Variants in CCM2 observed in about 807,000 individuals in gnomAD.
The protein encoded by CCM2 is CCM2 scaffold protein, also known as cerebral cavernous malformations 2 protein.
In CCM2, 25 loss-of-function variants were observed where a neutral mutation model predicts 44.9. The ratio of observed to expected loss-of-function variants is 0.56; its 90% CI spans 0.41 to 0.78. The LOEUF is 0.78. Ranked by LOEUF, CCM2 falls within the 30% of genes least tolerant of loss-of-function variation. The pLI is 0.00. For synonymous variants in CCM2, 219 were observed against 241.1 expected, an observed-to-expected ratio of 0.91 and a Z score of 0.85; for missense variants, 481 against 580.6, an observed-to-expected ratio of 0.83 and a Z score of 1.76.
chr7:45,041,201 T>C (rs1797479869), intron 2 of CCM2, among the ~76,000 whole-genome samples: 1 of 152,134 alleles, frequency 6.6e-6, no homozygotes, highest in African/African-American at 2.4e-5. Context: ...GAGAAGTTGC[T>C]GAAGAAATAG....
intron 1 of CCM2, among the ~76,000 whole-genome samples, chr7:45,023,807 T>TGG (rs1468526694): frequency 3.6e-4 from 13 of 36,484 alleles, no homozygotes; most frequent in African/African-American, 1.2e-3. Context: ...TTTTTTTTTT[T>TGG]TTTTTTTTTT....
At chr7:45,070,898 C>T (rs999239161) in intron 6 of CCM2, 6 of 154,438 alleles carry the variant, frequency 3.9e-5, no homozygotes, top group Non-Finnish European at 7.2e-5. Flanking sequence ...CCCAGTAACT[C>T]GCACATCTCA....
intron 1 of CCM2, among the ~76,000 whole-genome samples, chr7:45,025,321 C>A (rs1796640649): frequency 1.3e-5 from 2 of 152,082 alleles, no homozygotes; most frequent in African/African-American, 2.4e-5. Flanking sequence ...GTTGGTGATT[C>A]CCTTTATCGA....
intron 2 of CCM2, among the ~76,000 whole-genome samples, chr7:45,047,176 C>A (rs778633354): frequency 6.6e-6 from 1 of 152,148 alleles, no homozygotes; most frequent in Non-Finnish European, 1.5e-5. Flanking sequence ...CAAATCTCCA[C>A]GTGCAACTAC....
In CCM2 at chr7:45,047,186, C is replaced by T. The variant is rs113038111; in HGVS notation, c.204+8760C>T. ...TTCTTCAAATCTCCACGTGCAACTA[C>T]GAACAACTTGGCAATTGCACTCCTA... On this transcript the variant is annotated intron_variant, in intron 2 of 9. Transcript: ENST00000258781. 1.2e-3 allele frequency among the ~76,000 whole-genome samples: 182 copies of T among 152,256 alleles called. 1 individual carries two copies. The highest frequency in any genetic ancestry group is 4.1e-3 in the African/African-American group (171 of 41,548).
In CCM2 at chr7:45,008,133, C is replaced by CCTGGGTTCAA. The variant is rs539875981; in HGVS notation, c.30+7771_30+7780dup. On this transcript the variant is annotated intron_variant, in intron 1 of 9. Transcript: ENST00000258781. Reference sequence around the variant, plus strand: ...CCTCAGCTCACTGCAGGCTCCGCCTCCTGGGTTCAAGCAATTCTGCCTCAG... The same window carrying CCTGGGTTCAA: ...CCTCAGCTCACTGCAGGCTCCGCCTCCTGGGTTCAACTGGGTTCAAGCAATTCTGCCTCAG... Among the ~76,000 whole-genome samples, 925 of 150,512 alleles carry CCTGGGTTCAA rather than the reference C, an allele frequency of 6.1e-3. 13 individuals are homozygous for CCTGGGTTCAA. The highest frequency in any genetic ancestry group is 0.021 in the African/African-American group (877 of 40,940).
rs750097466 is a variant in CCM2 at position 45,068,419 on chromosome 7, A to C, written c.473-24A>C. ...CATGCCTGCCCTTCCACTGTGCTAA[A>C]CTGAGATGGTGTTGACTTCTCAGCC... On this transcript the variant is annotated intron_variant, in intron 4 of 9. Transcript: ENST00000258781. 3 of 1,613,818 alleles carry C rather than the reference A, an allele frequency of 1.9e-6. No individual in the cohort carries two copies. In the Admixed American group the frequency reaches 5.0e-5, roughly 27 times the overall value.
At chr7:45,043,729 A>G (rs1232716283) in intron 2 of CCM2, 2 of 398,898 alleles carry the variant, frequency 5.0e-6, no homozygotes, top group Non-Finnish European at 9.6e-6. Flanking sequence ...TCACATATTG[A>G]TATTTATTTT....
chr7:45,014,018 C>G (rs1442643095), intron 1 of CCM2, among the ~76,000 whole-genome samples: 1 of 152,180 alleles, frequency 6.6e-6, no homozygotes. Context: ...TCTTATTTTA[C>G]TTACAAGACT....
At chr7:45,067,875 A>C (rs991295456) in intron 4 of CCM2, 1 of 176,492 alleles carries the variant, frequency 5.7e-6, no homozygotes, top group African/African-American at 2.4e-5. Flanking sequence ...GGGTGGTCCG[A>C]ACTGATGGTG....
intron 2 of CCM2, among the ~76,000 whole-genome samples, chr7:45,046,957 A>G (rs765771109): frequency 6.6e-6 from 1 of 152,250 alleles, no homozygotes; most frequent in Non-Finnish European, 1.5e-5. Context: ...AGATGGCAGT[A>G]AGCACATGAA....
chr7:45,056,582 GTT>G (rs1798274862), intron 2 of CCM2, among the ~76,000 whole-genome samples: 1 of 152,198 alleles, frequency 6.6e-6, no homozygotes, highest in Non-Finnish European at 1.5e-5. Context: ...AACTATTGAT[GTT>G]GAAAATCTTT....
At chr7:45,012,594 C>T (rs186990859) in intron 1 of CCM2, among the ~76,000 whole-genome samples, 57 of 152,152 alleles carry the variant, frequency 3.7e-4, no homozygotes, top group Middle Eastern at 6.8e-3. Flanking sequence ...CTCGCTCTGT[C>T]GCCGAGGCTG....
In CCM2 at chr7:45,073,784, G is replaced by A. The variant is rs143193602; in HGVS notation, c.915+213G>A. 94 of 589,120 alleles carry A rather than the reference G, an allele frequency of 1.6e-4. No homozygotes were observed. The East Asian group carries it at 2.1e-3, about 13-fold the overall frequency. 36.5% of individuals were successfully genotyped at this position (589,120 alleles called of 1,614,324 possible). A position where few individuals can be genotyped will look rare whatever the true frequency, so the allele number is the denominator to read the frequency against. ...TCAGTGGGGCTGAGTTGGGAGTGCT[G>A]TGGCCGTCAGGGCTGGACTGTGGGC... is the stretch of plus-strand genomic sequence containing the variant. On this transcript the variant is annotated intron_variant, in intron 8 of 9. Coordinates refer to ENST00000258781, the MANE Select transcript of CCM2 (RefSeq NM_031443.4).
intron 2 of CCM2, among the ~76,000 whole-genome samples, chr7:45,053,236 G>A (rs1369717977): frequency 6.6e-6 from 1 of 152,228 alleles, no homozygotes; most frequent in East Asian, 1.9e-4. Flanking sequence ...AAGTCCCTTT[G>A]GGAAGAGCTG....
At chr7:45,073,007 C>G in intron 7 of CCM2, 1 of 642,912 alleles carries the variant, frequency 1.6e-6, no homozygotes, top group East Asian at 2.7e-5. Context: ...CCCTGCCTAC[C>G]TTCCCATGGC....
chr7:45,014,746 C>A (rs999096816), intron 1 of CCM2, among the ~76,000 whole-genome samples: 1 of 151,988 alleles, frequency 6.6e-6, no homozygotes, highest in Non-Finnish European at 1.5e-5. Context: ...TTCAGCCTCC[C>A]CAGTAGCTGG....
At chr7:45,022,542 G>A (rs1403003083) in intron 1 of CCM2, among the ~76,000 whole-genome samples, 1 of 151,562 alleles carries the variant, frequency 6.6e-6, no homozygotes, top group Non-Finnish European at 1.5e-5. Flanking sequence ...TCCTGACCTC[G>A]TCATCCGCCC....
chr7:45,004,241 G>A (rs1172179755), intron 1 of CCM2, among the ~76,000 whole-genome samples: 1 of 152,092 alleles, frequency 6.6e-6, no homozygotes, highest in Non-Finnish European at 1.5e-5. Flanking sequence ...TAATAAATAA[G>A]GAATTATTAA....
Sources: gnomAD v4.1 joint callset for allele counts (sites outside exome capture counted in the v4.1 genomes callset) on GRCh38, gnomAD v4.1.1 for gene constraint, MANE v1.5 for transcripts, NCBI Gene and HGNC (gene_info 2026-07-23, HGNC 2026-07-21) for gene names.